NRXN3: variants seen among roughly 807,000 people sequenced by gnomAD.
NRXN3 encodes the protein neurexin 3.
In NRXN3, 32 loss-of-function variants were observed where a neutral mutation model predicts 137.6. That is an observed-to-expected ratio of 0.23 (90% confidence interval 0.18 to 0.31). The LOEUF (loss-of-function observed/expected upper bound fraction) is 0.31. NRXN3 is among the 10% of genes least tolerant of loss of function. The pLI, the probability that NRXN3 is intolerant of heterozygous loss-of-function variation, is 1.00. For synonymous variants in NRXN3, 798 were observed against 784.5 expected (o/e 1.02, Z -0.29); for missense variants, 1,574 against 2,062.5 (o/e 0.76, Z 4.59).
intron 19 of NRXN3, among the ~76,000 whole-genome samples, chr14:79,740,710 TTTTATATATATATATATATA>T (rs1484298664): frequency 0.018 from 1,294 of 73,670 alleles, 110 homozygotes; most frequent in East Asian, 0.092. Context: ...GCATTTAGTT[TTTTATATATATATATATATA>T]TATATATATA....
rs1001508322 is a variant in NRXN3 at position 79,415,175 on chromosome 14, A to C, written c.3263-52046A>C. On this transcript the variant is annotated intron_variant, in intron 15 of 20. Transcript: ENST00000335750. The stretch of plus-strand genomic sequence containing the variant: ...TGATATAATGTCTTGGCTTTTGTGA[A>C]TAATGCTGCAATGAATGTAAGAGTG... Among the ~76,000 whole-genome samples, 12 of 152,124 alleles carry C rather than the reference A, an allele frequency of 7.9e-5. No individual in the cohort carries two copies. In the East Asian group the frequency reaches 2.1e-3, roughly 27 times the overall value.
intron 10 of NRXN3, among the ~76,000 whole-genome samples, chr14:78,930,804 A>T (rs1032263001): frequency 2.6e-5 from 4 of 152,172 alleles, no homozygotes; most frequent in Non-Finnish European, 5.9e-5. Flanking sequence ...GGAAAGGTGT[A>T]GTGAGCCATC....
intron 4 of NRXN3, among the ~76,000 whole-genome samples, chr14:78,551,024 C>T (rs1269848940): frequency 6.6e-6 from 1 of 152,176 alleles, no homozygotes; most frequent in East Asian, 1.9e-4. Flanking sequence ...GCCTCAATCT[C>T]TCTATCCATA....
At chr14:79,227,790 CT>C in intron 15 of NRXN3, among the ~76,000 whole-genome samples, 4 of 79,200 alleles carry the variant, frequency 5.1e-5, no homozygotes, top group African/African-American at 1.5e-4. Flanking sequence ...TCCTTCCCTC[CT>C]CCCTTCCTCC....
chr14:78,383,586 G>A (rs1297302167), intron 4 of NRXN3, among the ~76,000 whole-genome samples: 1 of 152,106 alleles, frequency 6.6e-6, no homozygotes, highest in Non-Finnish European at 1.5e-5. Context: ...TTTACAATAG[G>A]CATATCATCT....
At chr14:79,466,565 G>A (rs2096427836) in intron 15 of NRXN3, among the ~76,000 whole-genome samples, 1 of 152,108 alleles carries the variant, frequency 6.6e-6, no homozygotes, top group Non-Finnish European at 1.5e-5. Context: ...TCCAGCCTGG[G>A]CAACAGAGAG....
chr14:79,308,604 G>A (rs1179912402), intron 15 of NRXN3, among the ~76,000 whole-genome samples: 1 of 152,120 alleles, frequency 6.6e-6, no homozygotes, highest in Non-Finnish European at 1.5e-5. Flanking sequence ...AGGGGTCTGT[G>A]CATCTTTCTT....
intron 4 of NRXN3, among the ~76,000 whole-genome samples, chr14:78,634,540 A>G (rs1030375754): frequency 4.6e-5 from 7 of 152,234 alleles, no homozygotes; most frequent in East Asian, 1.9e-4. Flanking sequence ...TCAAAAAATG[A>G]TGAAGTATTT....
intron 4 of NRXN3, among the ~76,000 whole-genome samples, chr14:78,456,799 C>CTTTCTT (rs1177466177): frequency 2.8e-4 from 27 of 97,692 alleles, no homozygotes; most frequent in African/African-American, 7.0e-4. Context: ...CTCTCTTTCT[C>CTTTCTT]TCTTTCTTTC....
chr14:78,249,705 G>A (rs980462743), intron 2 of NRXN3, among the ~76,000 whole-genome samples: 3 of 152,060 alleles, frequency 2.0e-5, no homozygotes, highest in Middle Eastern at 3.2e-3. Flanking sequence ...ATACCACCCT[G>A]CGCCTGACAT....
rs540837419 is a variant in NRXN3 at position 78,420,484 on chromosome 14, A to T, written c.757+122624A>T. 3.9e-5 allele frequency among the ~76,000 whole-genome samples: 6 copies of T among 152,318 alleles called. No homozygotes were observed. In the East Asian group the frequency reaches 5.8e-4, roughly 15 times the overall value. On this transcript the variant is annotated intron_variant, in intron 4 of 20. Coordinates refer to ENST00000335750, the MANE Select transcript of NRXN3 (RefSeq NM_001330195.2). ...TCCTCATCTGGGTTACCATGAAACTAATGTGAACAGTTTCCAGCTCCAGGC... is the reference window on the plus strand; with the variant it reads ...TCCTCATCTGGGTTACCATGAAACTTATGTGAACAGTTTCCAGCTCCAGGC...
At chr14:79,037,974 G>A (rs2099618891) in intron 15 of NRXN3, among the ~76,000 whole-genome samples, 1 of 152,006 alleles carries the variant, frequency 6.6e-6, no homozygotes, top group African/African-American at 2.4e-5. Flanking sequence ...AATATGATTG[G>A]GTTTAATGAT....
chr14:79,458,128 A>T (rs2096280698), intron 15 of NRXN3, among the ~76,000 whole-genome samples: 1 of 152,134 alleles, frequency 6.6e-6, no homozygotes, highest in Non-Finnish European at 1.5e-5. Flanking sequence ...CATCCCTGTT[A>T]GGTTAAATCT....
chr14:79,672,300 G>A (rs2098612471), intron 17 of NRXN3, among the ~76,000 whole-genome samples: 1 of 151,904 alleles, frequency 6.6e-6, no homozygotes, highest in Non-Finnish European at 1.5e-5. Flanking sequence ...TTATAGTTTA[G>A]GGACTCAGTA....
At chr14:78,533,894 A>G (rs983643100) in intron 4 of NRXN3, among the ~76,000 whole-genome samples, 10 of 152,170 alleles carry the variant, frequency 6.6e-5, no homozygotes, top group African/African-American at 2.4e-4. Flanking sequence ...ATGTGCCTCC[A>G]TACTCAGTAC....
Position 79,347,308 on chromosome 14 carries a change from C to T in NRXN3, c.3263-119913C>T, listed in dbSNP as rs142627529. 5.2e-3 allele frequency among the ~76,000 whole-genome samples: 783 copies of T among 151,892 alleles called. 6 individuals are homozygous for T. Among genetic ancestry groups the T allele is most frequent in the African/African-American group, 0.018 (736 of 41,388 alleles). Reference sequence around the variant, plus strand: ...ACTTAATGTCTTGACAAAGTATTAACTTGATCTAGTTTCAGAAAGATCTCA... The same window carrying T: ...ACTTAATGTCTTGACAAAGTATTAATTTGATCTAGTTTCAGAAAGATCTCA... On this transcript the variant is annotated intron_variant, in intron 15 of 20. Transcript: ENST00000335750.
intron 17 of NRXN3, among the ~76,000 whole-genome samples, chr14:79,688,287 C>T (rs1052804857): frequency 3.3e-5 from 5 of 152,062 alleles, no homozygotes; most frequent in Non-Finnish European, 5.9e-5. Flanking sequence ...GACTTGCCCA[C>T]GATCACACAG....
intron 19 of NRXN3, among the ~76,000 whole-genome samples, chr14:79,777,980 C>A (rs546284425): frequency 1.3e-5 from 2 of 152,042 alleles, no homozygotes; most frequent in East Asian, 3.9e-4. Flanking sequence ...TATCCCAGAT[C>A]TAGGCTTTTC....
In NRXN3 at chr14:79,002,342, G is replaced by A. The variant is rs1309393248; in HGVS notation, c.3262+14201G>A. On this transcript the variant is annotated intron_variant, in intron 15 of 20. Transcript: ENST00000335750. ...AGGTATTAAGCCCAGCATCCATTAG[G>A]TATTTTTCCTAATGCTCTCCCTCCT... Among the ~76,000 whole-genome samples, 9 of 152,156 alleles carry A rather than the reference G, an allele frequency of 5.9e-5. No individual in the cohort carries two copies. The South Asian group carries it at 6.2e-4, about 11-fold the overall frequency.
Sources: gnomAD v4.1 joint callset for allele counts (sites outside exome capture counted in the v4.1 genomes callset) on GRCh38, gnomAD v4.1.1 for gene constraint, MANE v1.5 for transcripts, NCBI Gene and HGNC (gene_info 2026-07-23, HGNC 2026-07-21) for gene names.